ZBTB37: variants seen among roughly 807,000 people sequenced by gnomAD.
The protein encoded by ZBTB37 is zinc finger and BTB domain-containing protein 37.
ZBTB37 carries 15 observed loss-of-function variants against 37.7 expected under a neutral mutation model. The ratio of observed to expected loss-of-function variants is 0.40; its 90% CI spans 0.27 to 0.61. The LOEUF is 0.61. Among genes scored for constraint, ZBTB37 ranks in the 20% least tolerant of loss-of-function variants. The probability of loss-of-function intolerance (pLI) is 0.44; values close to 1 mark genes in which losing one functional copy is unlikely to be tolerated. For missense variants in ZBTB37, 514 were observed against 641.9 expected, an observed-to-expected ratio of 0.80 and a Z score of 2.15; for synonymous variants, 231 against 220.6, an observed-to-expected ratio of 1.05 and a Z score of -0.42.
chr1:173,870,481 TTC>T lies in ZBTB37; in HGVS notation c.258_259del (p.Phe86LeufsTer44). ...TACTGTTTTTGAACAGCTCCTTTCT[TTC>T]TGTTACACAGGGCGGATATGCCTGC... On this transcript the variant is annotated frameshift_variant, in exon 3 of 5. Transcript: ENST00000427304. LOFTEE classifies it high-confidence loss of function. 1 of 1,614,244 alleles carries T rather than the reference TTC, an allele frequency of 6.2e-7. No homozygotes were observed. The highest frequency in any genetic ancestry group is 8.5e-7 in the Non-Finnish European group (1 of 1,180,038).
At chr1:173,887,232 C>T (rs1407099849), downstream of ZBTB37, 1 of 152,192 alleles carries the variant, frequency 6.6e-6, no homozygotes, top group Non-Finnish European at 1.5e-5. Context: ...ACCACAATTT[C>T]ATTTCCTTAT....
chr1:173,871,608 A>G (rs764030033), intron 3 of ZBTB37, among the ~76,000 whole-genome samples: 1 of 152,240 alleles, frequency 6.6e-6, no homozygotes, highest in Admixed American at 6.5e-5. Flanking sequence ...GAAGTATGGT[A>G]CCAGCAGTAA....
chr1:173,886,077 C>T lies in ZBTB37; in HGVS notation c.1465C>T (p.Pro489Ser), dbSNP rs531003352. ...ACCTTCACAGGAAGAGACAGTTGCTCCTGGGGAAGCTGTCCAGGGCTCTGT... is the reference window on the plus strand; with the variant it reads ...ACCTTCACAGGAAGAGACAGTTGCTTCTGGGGAAGCTGTCCAGGGCTCTGT... Residue 489 changes from proline to serine, a missense_variant, in exon 5 of 5, where the codon CCT becomes TCT. This residue lies in a region of ZBTB37 where 86 missense variants were observed against 161.9 expected (regional missense o/e 0.53). Coordinates refer to ENST00000427304, the Ensembl canonical transcript of ZBTB37. The T allele has an allele frequency of 4.7e-5, 73 of 1,551,536 alleles. No homozygotes were observed. The highest frequency in any genetic ancestry group is 5.8e-5 in the Non-Finnish European group (67 of 1,146,982).
At chr1:173,876,747 C>T (rs1300702837) in intron 4 of ZBTB37, among the ~76,000 whole-genome samples, 1 of 152,010 alleles carries the variant, frequency 6.6e-6, no homozygotes, top group Non-Finnish European at 1.5e-5. Flanking sequence ...TAATTTGGCT[C>T]ATATTATTAG....
At chr1:173,873,594 T>G (rs1379893040) in intron 4 of ZBTB37, 28 bp downstream of exon 4, 2 of 1,613,026 alleles carry the variant, frequency 1.2e-6, no homozygotes, top group Non-Finnish European at 1.7e-6. Context: ...TAGAACTGCT[T>G]TGGTGGTTGG....
intron 4 of ZBTB37, among the ~76,000 whole-genome samples, chr1:173,875,737 C>T (rs1483024603): frequency 1.3e-5 from 2 of 152,120 alleles, no homozygotes; most frequent in Admixed American, 6.5e-5. Flanking sequence ...TCACTTTAGC[C>T]TCAACCTCCT....
intron 3 of ZBTB37, among the ~76,000 whole-genome samples, chr1:173,873,058 C>T (rs1270603876): frequency 6.6e-6 from 1 of 151,860 alleles, no homozygotes; most frequent in East Asian, 1.9e-4. Context: ...TTTTAATCTC[C>T]ATGATCTATA....
exon 4 of ZBTB37, chr1:173,899,895 A>C (rs894135396): frequency 5.3e-5 from 8 of 152,220 alleles, no homozygotes; most frequent in Non-Finnish European, 1.5e-5. Context: ...ATTGTCATCC[A>C]TCCAGTTTCC....
chr1:173,875,116 ATGTGTGTGTG>A (rs71111072), intron 4 of ZBTB37, among the ~76,000 whole-genome samples: 25,056 of 136,962 alleles, frequency 0.18, 3,012 homozygotes, highest in African/African-American at 0.35. Flanking sequence ...TCTGATTATT[ATGTGTGTGTG>A]TGTGTGTGTG....
At position 173,871,001 on chromosome 1, in the gene ZBTB37, A is replaced by G. The variant is rs761687366; in HGVS notation, c.776A>G (p.Gln259Arg). The change falls in exon 3 of 5, where the codon CAG becomes CGG. Residue 259 changes from glutamine to arginine, a missense_variant. Physicochemically the swap from Gln to Arg is conservative, Grantham distance 43. This residue lies in a region of ZBTB37 where 323 missense variants were observed against 321.9 expected (regional missense o/e 1.00). Transcript: ENST00000427304. ...GAGGAGTGGCTTGGGCCTGAGAATC[A>G]GCCTTCTGGAGAAGATGGGAGTAGT... 1.7e-5 allele frequency: 28 copies of G among 1,614,156 alleles called. No individual in the cohort carries two copies. Among genetic ancestry groups the G allele is most frequent in the Non-Finnish European group, 2.1e-5 (25 of 1,180,058 alleles).
exon 4 of ZBTB37, chr1:173,895,519 C>T (rs1657011102): frequency 6.6e-6 from 1 of 152,164 alleles, no homozygotes; most frequent in African/African-American, 2.4e-5. Flanking sequence ...GAATCTCTTT[C>T]AACAGGAGTT....
intron 3 of ZBTB37, among the ~76,000 whole-genome samples, chr1:173,871,788 C>T (rs1035582879): frequency 6.6e-6 from 1 of 152,060 alleles, no homozygotes. Context: ...GCTGCTATGC[C>T]CCATGCCTCA....
At chr1:173,886,162 G>T in exon 5 of ZBTB37, 1 of 1,523,308 alleles carries the variant, frequency 6.6e-7, no homozygotes, top group South Asian at 1.3e-5. Flanking sequence ...CTTCCCCTAT[G>T]AGCCATAAGC....
chr1:173,888,907 A>G (rs542145292), downstream of ZBTB37: 5 of 152,322 alleles, frequency 3.3e-5, no homozygotes, highest in Admixed American at 1.3e-4. Flanking sequence ...GGTAGGGACT[A>G]TCTCATTCAT....
intron 4 of ZBTB37, among the ~76,000 whole-genome samples, chr1:173,884,505 C>A (rs1035323019): frequency 1.3e-5 from 2 of 152,142 alleles, no homozygotes. Context: ...TATGTTCATA[C>A]TGCCTCCCAG....
chr1:173,890,678 C>G (rs147160734), downstream of ZBTB37: 1 of 152,142 alleles, frequency 6.6e-6, no homozygotes, highest in South Asian at 2.1e-4. Context: ...TTAGGACTTA[C>G]GGAATTAGAT....
At chr1:173,892,739 CAT>C (rs1656889415) in exon 4 of ZBTB37, 1 of 152,146 alleles carries the variant, frequency 6.6e-6, no homozygotes, top group African/African-American at 2.4e-5. Context: ...CACATCTTAA[CAT>C]AGAAGAAGCC....
exon 4 of ZBTB37, chr1:173,898,111 T>A (rs1400414891): frequency 2.0e-5 from 3 of 152,152 alleles, no homozygotes; most frequent in Admixed American, 1.3e-4. Context: ...ACTTCTTTTT[T>A]TTTGGGGGGC....
exon 3 of ZBTB37, chr1:173,870,336 T>A (rs765837583): frequency 6.2e-7 from 1 of 1,614,208 alleles, no homozygotes; most frequent in Admixed American, 1.7e-5. Context: ...TTGTGGTCAA[T>A]GTGCAAGGAC....
Sources: allele counts gnomAD v4.1 joint callset (sites outside exome capture counted in the v4.1 genomes callset), GRCh38; gene constraint gnomAD v4.1.1; regional missense constraint gnomAD v4.1.1; transcripts MANE v1.5; gene names NCBI Gene and HGNC (gene_info 2026-07-23, HGNC 2026-07-21).